The following WDTC1 variants were observed in gnomAD, a reference collection of about 807,000 sequenced individuals.
The protein encoded by WDTC1 is WD and tetratricopeptide repeats protein 1.
WDTC1 carries 12 observed loss-of-function variants against 76.0 expected under a neutral mutation model. The observed-to-expected ratio is 0.16, with a 90% confidence interval of 0.10 to 0.26. WDTC1 has a LOEUF of 0.26. Among genes scored for constraint, WDTC1 ranks in the 10% least tolerant of loss-of-function variants. The pLI, the probability that WDTC1 is intolerant of heterozygous loss-of-function variation, is 1.00. For synonymous variants in WDTC1, 326 were observed against 350.8 expected (o/e 0.93, Z 0.79); for missense variants, 511 against 908.8 (o/e 0.56, Z 5.63).
intron 6 of WDTC1, among the ~76,000 whole-genome samples, chr1:27,289,996 C>T (rs1402649494): frequency 1.4e-5 from 2 of 144,876 alleles, no homozygotes; most frequent in African/African-American, 5.2e-5. Flanking sequence ...AGAGGGAGAC[C>T]GTGGAAAGAG....
At chr1:27,261,971 C>G (rs978001616) in intron 2 of WDTC1, among the ~76,000 whole-genome samples, 1 of 151,832 alleles carries the variant, frequency 6.6e-6, no homozygotes, top group Non-Finnish European at 1.5e-5. Context: ...GCTCTGTTGC[C>G]CAGGCTGGAG....
intron 1 of WDTC1, among the ~76,000 whole-genome samples, chr1:27,250,399 C>G (rs544953362): frequency 6.6e-6 from 1 of 152,270 alleles, no homozygotes; most frequent in Non-Finnish European, 1.5e-5. Flanking sequence ...ATCCACCCAC[C>G]TCAGCATCCC....
chr1:27,248,488 G>A (rs1261875586), intron 1 of WDTC1, among the ~76,000 whole-genome samples: 3 of 152,030 alleles, frequency 2.0e-5, no homozygotes, highest in Non-Finnish European at 4.4e-5. Context: ...TTGCCCACTT[G>A]ATGGGATTGT....
At chr1:27,296,476 C>G (rs984872242) in intron 10 of WDTC1, 75 bp downstream of exon 10, 118 of 1,506,528 alleles carry the variant, frequency 7.8e-5, no homozygotes, top group Non-Finnish European at 9.6e-5. Flanking sequence ...TGCTGAGAAG[C>G]CTGCCCTTTA....
chr1:27,289,858 G>C (rs967837181), intron 6 of WDTC1, among the ~76,000 whole-genome samples: 3 of 152,244 alleles, frequency 2.0e-5, no homozygotes, highest in African/African-American at 7.2e-5. Context: ...GGCGGCACGC[G>C]CCTGCAATCG....
intron 1 of WDTC1, among the ~76,000 whole-genome samples, chr1:27,258,168 G>T (rs1001851159): frequency 5.9e-5 from 9 of 151,678 alleles, no homozygotes; most frequent in Non-Finnish European, 1.3e-4. Context: ...GGAGGCCAAG[G>T]TGAGAGTGTT....
intron 6 of WDTC1, 69 bp downstream of exon 6, chr1:27,287,930 A>G: frequency 2.6e-6 from 4 of 1,526,682 alleles, no homozygotes; most frequent in Middle Eastern, 1.9e-4. Context: ...GTTTCCTTCT[A>G]CAGACCTAGC....
rs1279007258 is a variant in WDTC1, at chr1:27,306,953, C to G, written c.*570C>G. ...GATGGGAGCCCTGGAGTGGGCAAGACCAGGCCACCTGCTGAGGTCGCTGTG... is the reference window on the plus strand; with the variant it reads ...GATGGGAGCCCTGGAGTGGGCAAGAGCAGGCCACCTGCTGAGGTCGCTGTG... On this transcript the variant is annotated 3_prime_UTR_variant, in exon 16 of 16. Coordinates refer to ENST00000319394, the MANE Select transcript of WDTC1 (RefSeq NM_001276252.2). The surrounding 1 kb of genome is among the most constrained non-coding windows in gnomAD (Gnocchi z 5.0). 1.9e-5 allele frequency: 3 copies of G among 157,086 alleles called. No homozygotes were observed. The highest frequency in any genetic ancestry group is 7.2e-5 in the African/African-American group (3 of 41,486). The allele number at this position is 157,086 out of a possible 1,614,324, so 9.7% of individuals were successfully genotyped here.
intron 3 of WDTC1, among the ~76,000 whole-genome samples, chr1:27,277,365 G>A (rs2013061054): frequency 6.6e-6 from 1 of 152,210 alleles, no homozygotes; most frequent in Non-Finnish European, 1.5e-5. Context: ...TGTATGGTGT[G>A]AGGTAAGGAT....
chr1:27,253,155 C>T (rs1345130060), intron 1 of WDTC1, among the ~76,000 whole-genome samples: 1 of 151,616 alleles, frequency 6.6e-6, no homozygotes, highest in Non-Finnish European at 1.5e-5. Context: ...ACTACAGGCA[C>T]GTGCCACCAC....
At chr1:27,267,007 T>A (rs12033536) in intron 3 of WDTC1, among the ~76,000 whole-genome samples, 138,595 of 152,228 alleles carry the variant, frequency 0.91, 64,511 homozygotes, top group East Asian at 1. Context: ...GACTTTTTTG[T>A]TTTTCCACGT....
chr1:27,237,044 G>C (rs2011504224), intron 1 of WDTC1, among the ~76,000 whole-genome samples: 1 of 152,146 alleles, frequency 6.6e-6, no homozygotes, highest in Non-Finnish European at 1.5e-5. Context: ...CACCATCTTG[G>C]CCAGGCTGGT....
intron 5 of WDTC1, among the ~76,000 whole-genome samples, 171 bp from the exon 6 acceptor site, chr1:27,287,503 C>T (rs919548018): frequency 6.6e-6 from 1 of 152,110 alleles, no homozygotes; most frequent in Non-Finnish European, 1.5e-5. Context: ...TTTCCTGCCT[C>T]AGCCTGCTGA....
chr1:27,296,251 C>T, intron 9 of WDTC1, 75 bp from the exon 10 acceptor site: 3 of 1,564,518 alleles, frequency 1.9e-6, no homozygotes, highest in Non-Finnish European at 2.6e-6. Context: ...CTTGAGAAAC[C>T]AAGACCTGCT....
intron 1 of WDTC1, among the ~76,000 whole-genome samples, chr1:27,254,736 G>A (rs189214439): frequency 6.6e-6 from 1 of 152,162 alleles, no homozygotes; most frequent in Non-Finnish European, 1.5e-5. Context: ...AGGTTAAAAC[G>A]ATTCTCCTGC....
At chr1:27,297,423 G>GCACT (rs1470609297) in intron 11 of WDTC1, among the ~76,000 whole-genome samples, 1 of 152,206 alleles carries the variant, frequency 6.6e-6, no homozygotes, top group Non-Finnish European at 1.5e-5. Flanking sequence ...CTGCCTCTTA[G>GCACT]CACTGAGCTG....
At chr1:27,270,696 A>C (rs976321287) in intron 3 of WDTC1, among the ~76,000 whole-genome samples, 1 of 152,206 alleles carries the variant, frequency 6.6e-6, no homozygotes, top group Non-Finnish European at 1.5e-5. Flanking sequence ...TCTCCCTCAA[A>C]AAATTAAAAA....
At chr1:27,302,741 AAACAAC>A (rs752573510) in intron 13 of WDTC1, among the ~76,000 whole-genome samples, 31 of 151,942 alleles carry the variant, frequency 2.0e-4, no homozygotes, top group Non-Finnish European at 4.0e-4. Flanking sequence ...ATCCTGTCTC[AAACAAC>A]AACAACAACA....
chr1:27,282,379 T>C (rs904693956), intron 4 of WDTC1, 94 bp downstream of exon 4: 23 of 1,303,570 alleles, frequency 1.8e-5, no homozygotes, highest in South Asian at 1.1e-4. Flanking sequence ...AAGGAAAAGA[T>C]TGGACCCAAA....
Sources: allele counts gnomAD v4.1 joint callset (sites outside exome capture counted in the v4.1 genomes callset), GRCh38; gene constraint gnomAD v4.1.1; non-coding constraint Gnocchi (gnomAD v3.1); transcripts MANE v1.5; gene names NCBI Gene and HGNC (gene_info 2026-07-23, HGNC 2026-07-21).